The following FAM13B variants were observed in gnomAD, a reference collection of about 807,000 sequenced individuals.
The protein encoded by FAM13B is family with sequence similarity 13 member B.
FAM13B carries 60 observed loss-of-function variants against 117.3 expected under a neutral mutation model. The ratio of observed to expected loss-of-function variants is 0.51; its 90% confidence interval spans 0.42 to 0.63. The LOEUF (loss-of-function observed/expected upper bound fraction) is 0.63. Among genes scored for constraint, FAM13B ranks in the 30% least tolerant of loss-of-function variants. The pLI, the probability that FAM13B is intolerant of heterozygous loss-of-function variation, is 0.00. For missense variants in FAM13B, 972 were observed against 1,091.9 expected (o/e 0.89, Z 1.55); for synonymous variants, 332 against 356.1 (o/e 0.93, Z 0.76).
chr5:137,980,155 A>G (rs551997117), intron 10 of FAM13B, among the ~76,000 whole-genome samples: 155 of 151,682 alleles, frequency 1.0e-3, no homozygotes, highest in African/African-American at 3.6e-3. Flanking sequence ...CCGGGGCGAC[A>G]AGAATGAAAC....
chr5:137,949,862 T>C (rs1364712607), intron 17 of FAM13B, among the ~76,000 whole-genome samples: 1 of 150,450 alleles, frequency 6.6e-6, no homozygotes. Flanking sequence ...CTTGGGAGGC[T>C]GGGGTGGGAA....
chr5:137,975,265 C>CG (rs767462439), intron 10 of FAM13B, among the ~76,000 whole-genome samples: 32 of 152,196 alleles, frequency 2.1e-4, no homozygotes, highest in Non-Finnish European at 4.0e-4. Context: ...ACCTTACTGT[C>CG]ACCGCTTGAA....
At chr5:137,964,935 G>C (rs1395028698) in intron 10 of FAM13B, among the ~76,000 whole-genome samples, 1 of 152,014 alleles carries the variant, frequency 6.6e-6, no homozygotes, top group Non-Finnish European at 1.5e-5. Context: ...GGGAGGCCAA[G>C]GCGGATGGAT....
intron 13 of FAM13B, among the ~76,000 whole-genome samples, chr5:137,958,173 CAAAAAAG>C (rs1408825203): frequency 6.6e-6 from 1 of 152,124 alleles, no homozygotes; most frequent in Non-Finnish European, 1.5e-5. Context: ...CAATAAATAA[CAAAAAAG>C]AACATTTAAT....
At chr5:137,992,647 G>A (rs1292834839) in intron 7 of FAM13B, among the ~76,000 whole-genome samples, 1 of 151,982 alleles carries the variant, frequency 6.6e-6, no homozygotes, top group Non-Finnish European at 1.5e-5. Context: ...GTTCACAAAA[G>A]TAGGAATCAG....
Position 137,959,708 on chromosome 5 carries a change from CCTGGTACTT to C in FAM13B, c.1340_1348del (p.Glu447_Pro449del). 6.2e-7 allele frequency: 1 copy of C among 1,613,950 alleles called. No individual in the cohort carries two copies. The highest frequency in any genetic ancestry group is 1.1e-5 in the South Asian group (1 of 91,070). ...CCCTTGAACACCAACACTCTGACCT[CCTGGTACTT>C]CTGATTCAGTGTTGGCATTCAAATC... On this transcript the variant is annotated inframe_deletion, in exon 13 of 24. Coordinates refer to ENST00000689681, the MANE Select transcript of FAM13B (RefSeq NM_001385994.1).
At chr5:137,978,212 T>C (rs1774590791) in intron 10 of FAM13B, among the ~76,000 whole-genome samples, 1 of 152,194 alleles carries the variant, frequency 6.6e-6, no homozygotes, top group South Asian at 2.1e-4. Flanking sequence ...TTTTTGTGTT[T>C]CCCATTTTTT....
At chr5:137,959,107 A>G (rs1203981599) in intron 13 of FAM13B, among the ~76,000 whole-genome samples, 1 of 152,140 alleles carries the variant, frequency 6.6e-6, no homozygotes, top group African/African-American at 2.4e-5. Context: ...CTTTGTGCAA[A>G]TTTTTAGAGT....
chr5:138,033,191 C>G (rs982320479), upstream of FAM13B: 5 of 397,752 alleles, frequency 1.3e-5, no homozygotes, highest in Non-Finnish European at 1.7e-5. Flanking sequence ...GGCAGCGGCC[C>G]TGTGTCCTGC....
intron 10 of FAM13B, among the ~76,000 whole-genome samples, chr5:137,965,168 CA>C (rs913488430): frequency 2.0e-5 from 3 of 151,802 alleles, no homozygotes; most frequent in Non-Finnish European, 4.4e-5. Context: ...GCCTCTGTTT[CA>C]AAAAAATATA....
chr5:138,039,448 T>C (rs1288191047), intron 1 of FAM13B: 1 of 152,150 alleles, frequency 6.6e-6, no homozygotes, highest in Non-Finnish European at 1.5e-5. Flanking sequence ...CCAAGTTGCT[T>C]CTCAGCACCT....
At chr5:138,001,111 GT>G (rs926704738) in intron 7 of FAM13B, among the ~76,000 whole-genome samples, 1 of 152,082 alleles carries the variant, frequency 6.6e-6, no homozygotes, top group African/African-American at 2.4e-5. Flanking sequence ...GGGTACTAAT[GT>G]TTGTGACCAA....
In FAM13B at chr5:138,032,873, G is replaced by T; in HGVS notation, c.-294C>A. 1 of 985,694 alleles carries T rather than the reference G, an allele frequency of 1.0e-6. No homozygotes were observed. Among genetic ancestry groups the T allele is most frequent in the Non-Finnish European group, 1.2e-6 (1 of 829,950 alleles). 61.1% of individuals were successfully genotyped at this position (985,694 alleles called of 1,614,324 possible). On this transcript the variant is annotated 5_prime_UTR_variant, in exon 1 of 24. Transcript: ENST00000689681. Reference sequence around the variant, plus strand: ...AGGGCGAGAACTGAGGCCCCAAGTGGCTCCGCGGCCGAGAAGCCTCTTCCT... The same window carrying T: ...AGGGCGAGAACTGAGGCCCCAAGTGTCTCCGCGGCCGAGAAGCCTCTTCCT...
At chr5:138,032,680 G>C (rs13169234) in intron 1 of FAM13B, 102 bp downstream of exon 1, 1 of 973,122 alleles carries the variant, frequency 1.0e-6, no homozygotes, top group Admixed American at 6.2e-5. Context: ...CCCGAGAGCA[G>C]GCGCGGGTGG....
At chr5:138,010,127 C>G (rs1783603952) in intron 6 of FAM13B, among the ~76,000 whole-genome samples, 1 of 152,016 alleles carries the variant, frequency 6.6e-6, no homozygotes, top group African/African-American at 2.4e-5. Flanking sequence ...ATTACAGGCA[C>G]ATGCCCCTAT....
chr5:137,998,430 C>T (rs1381700039), intron 7 of FAM13B, among the ~76,000 whole-genome samples: 2 of 152,158 alleles, frequency 1.3e-5, no homozygotes, highest in Non-Finnish European at 2.9e-5. Flanking sequence ...AAGGGAAGTA[C>T]TCATAAAGCA....
chr5:138,017,432 GTT>G (rs1785543157), intron 4 of FAM13B, among the ~76,000 whole-genome samples: 1 of 152,112 alleles, frequency 6.6e-6, no homozygotes, highest in Non-Finnish European at 1.5e-5. Context: ...AAAGGAAGTA[GTT>G]ATAATTTCTT....
intron 10 of FAM13B, among the ~76,000 whole-genome samples, chr5:137,979,466 A>T (rs1472238828): frequency 6.6e-6 from 1 of 152,182 alleles, no homozygotes; most frequent in Non-Finnish European, 1.5e-5. Context: ...CCTCTGCTTC[A>T]AAGTTTTCTA....
In FAM13B at chr5:137,988,264, T is replaced by C. The variant is rs200420354; in HGVS notation, c.890+10A>G. On this transcript the variant is annotated intron_variant, in intron 8 of 23. Transcript: ENST00000689681. Reference sequence around the variant, plus strand: ...CTTAAAAATTTGTCTTCTATAAATATACTACTTACTCTGTAGAGGCTGGTA... The same window carrying C: ...CTTAAAAATTTGTCTTCTATAAATACACTACTTACTCTGTAGAGGCTGGTA... 6.2e-5 allele frequency: 96 copies of C among 1,537,978 alleles called. No homozygotes were observed. The highest frequency in any genetic ancestry group is 2.4e-5 in the Admixed American group (1 of 40,964).
Sources: allele counts gnomAD v4.1 joint callset (sites outside exome capture counted in the v4.1 genomes callset), GRCh38; gene constraint gnomAD v4.1.1; transcripts MANE v1.5; gene names NCBI Gene and HGNC (gene_info 2026-07-23, HGNC 2026-07-21).